The following TP53BP1 variants were observed in gnomAD, a reference collection of about 807,000 sequenced individuals.
TP53BP1 encodes the protein tumor protein p53 binding protein 1.
In TP53BP1, 61 loss-of-function variants were observed where a neutral mutation model predicts 200.8. The ratio of observed to expected loss-of-function variants is 0.30; its 90% CI spans 0.25 to 0.38. The LOEUF (loss-of-function observed/expected upper bound fraction) is 0.38, where lower values mean the gene tolerates loss of function less well. Ranked by LOEUF, TP53BP1 falls within the 10% of genes least tolerant of loss-of-function variation. The pLI is 1.00. For missense variants in TP53BP1, 2,144 were observed against 2,371.9 expected (o/e 0.90, Z 2.00); for synonymous variants, 822 against 844.3 (o/e 0.97, Z 0.46).
chr15:43,407,392 A>C lies in TP53BP1; in HGVS notation c.5925T>G (p.Val1975=), dbSNP rs750843540. 15 of 1,614,016 alleles carry C rather than the reference A, an allele frequency of 9.3e-6. No individual in the cohort carries two copies. The highest frequency in any genetic ancestry group is 1.1e-5 in the Non-Finnish European group (13 of 1,179,970). ...GTAAGACCAAGTATCTTTAGTGAGA[A>C]ACATAATCGTGTTTATATTTTGGAT... ...KQHPKYKHDY[V]SH is the part of the protein sequence containing the mutation. Residue 1975 remains valine, a synonymous_variant, in exon 28 of 28, where the codon GTT becomes GTG. Transcript: ENST00000382044.
chr15:43,508,975 T>C (rs1338284292), intron 1 of TP53BP1, among the ~76,000 whole-genome samples: 1 of 152,122 alleles, frequency 6.6e-6, no homozygotes, highest in Non-Finnish European at 1.5e-5. Flanking sequence ...TTTGTGAGAC[T>C]TGATGAAAGC....
intron 1 of TP53BP1, among the ~76,000 whole-genome samples, chr15:43,501,423 A>AG (rs2079208919): frequency 6.6e-6 from 1 of 152,160 alleles, no homozygotes; most frequent in Non-Finnish European, 1.5e-5. Context: ...TATGTTGCTC[A>AG]GGTGGGTCTT....
At position 43,406,606 on chromosome 15, in the gene TP53BP1, A is replaced by T. The variant is rs1428452602; in HGVS notation, c.*777T>A. ...TACTCTTTGACCCTTTACAGAAAAA[A>T]ACCTTGTTGACCCCTGCTTTAGAGA... On this transcript the variant is annotated 3_prime_UTR_variant, in exon 28 of 28. Transcript: ENST00000382044. 2.2e-6 allele frequency: 1 copy of T among 455,924 alleles called. No homozygotes were observed. The highest frequency in any genetic ancestry group is 2.0e-5 in the African/African-American group (1 of 50,072). The allele number at this position is 455,924 out of a possible 1,614,324, so 28.2% of individuals were successfully genotyped here.
In TP53BP1 at chr15:43,420,289, C is replaced by G. The variant is rs568196770; in HGVS notation, c.4681+16G>C. ...AGGCACAAAAAAATCTCTACAAACT[C>G]TGCTTCTTTCATTACCTGCACTGAA... On this transcript the variant is annotated intron_variant, in intron 21 of 27. Transcript: ENST00000382044. The G allele has an allele frequency of 3.1e-6, 5 of 1,607,290 alleles. No individual in the cohort carries two copies. The African/African-American group carries it at 5.3e-5, about 17-fold the overall frequency.
At chr15:43,470,177 G>C (rs1173683921) in intron 10 of TP53BP1, 111 bp from the exon 11 acceptor site, 6 of 911,190 alleles carry the variant, frequency 6.6e-6, no homozygotes, top group Non-Finnish European at 6.7e-6. Context: ...TAAAAAAATA[G>C]TGACGTAATT....
At chr15:43,483,523 G>A (rs1359785813) in intron 4 of TP53BP1, among the ~76,000 whole-genome samples, 7 of 152,116 alleles carry the variant, frequency 4.6e-5, no homozygotes, top group Admixed American at 4.6e-4. Context: ...TGACATCTTT[G>A]CTTCCTTGCA....
intron 1 of TP53BP1, among the ~76,000 whole-genome samples, chr15:43,505,962 T>A (rs2079233710): frequency 1.3e-5 from 2 of 152,234 alleles, no homozygotes; most frequent in South Asian, 4.1e-4. Context: ...GGAAGGAATC[T>A]GAGCTGTATG....
chr15:43,408,203 C>G, intron 26 of TP53BP1, 115 bp from the exon 27 acceptor site: 2 of 1,073,208 alleles, frequency 1.9e-6, no homozygotes, highest in South Asian at 1.6e-5. Context: ...CCCCATCAGA[C>G]ATAGTGTCTC....
intron 4 of TP53BP1, among the ~76,000 whole-genome samples, chr15:43,481,704 A>T (rs1423249934): frequency 6.6e-6 from 1 of 150,942 alleles, no homozygotes; most frequent in Admixed American, 6.6e-5. Context: ...AGTCCCATCT[A>T]CTCAGGAGGC....
upstream of TP53BP1, among the ~76,000 whole-genome samples, chr15:43,494,005 G>C (rs529583138): frequency 6.6e-6 from 1 of 152,234 alleles, no homozygotes; most frequent in South Asian, 2.1e-4. Flanking sequence ...ATGGTGCCAG[G>C]GTCTTAAAGA....
chr15:43,407,674 C>G, intron 27 of TP53BP1, 104 bp from the exon 28 acceptor site: 1 of 1,143,264 alleles, frequency 8.7e-7, no homozygotes, highest in South Asian at 1.6e-5. Context: ...CTGCACAAAC[C>G]AAAGCCCTAT....
intron 12 of TP53BP1, among the ~76,000 whole-genome samples, chr15:43,448,881 C>T (rs2046102619): frequency 6.6e-6 from 1 of 152,198 alleles, no homozygotes; most frequent in Non-Finnish European, 1.5e-5. Flanking sequence ...AATCCCAACA[C>T]TTTGGGAGAC....
chr15:43,476,877 T>A (rs2078890651), intron 8 of TP53BP1, among the ~76,000 whole-genome samples: 1 of 152,252 alleles, frequency 6.6e-6, no homozygotes, highest in Non-Finnish European at 1.5e-5. Context: ...TCCTTTCCGC[T>A]AGATTTTAAA....
At chr15:43,469,709 G>T in intron 11 of TP53BP1, 149 bp downstream of exon 11, 1 of 696,198 alleles carries the variant, frequency 1.4e-6, no homozygotes, top group Non-Finnish European at 2.3e-6. Flanking sequence ...ACTGCTTTGT[G>T]ACGACAGCTT....
upstream of TP53BP1, chr15:43,497,460 A>C: frequency 1.0e-6 from 1 of 985,292 alleles, no homozygotes; most frequent in Non-Finnish European, 1.2e-6. Flanking sequence ...CAAAATTCTC[A>C]TCCTGTGACT....
In TP53BP1 at chr15:43,432,335, A is replaced by T; in HGVS notation, c.3534T>A (p.Thr1178=). The change falls in exon 17 of 28, where the codon ACT becomes ACA. Residue 1178 remains threonine, a synonymous_variant. Transcript: ENST00000382044. The part of the protein sequence containing the change: ...VPETVSAATQ[T]IKNVCEQGTS... ...TCCCCTGCTCACACACATTCTTTAT[A>T]GTCTGGGTTGCTGCTGAAACAGTTT... 6.2e-7 allele frequency: 1 copy of T among 1,614,172 alleles called. No homozygotes were observed. Among genetic ancestry groups the T allele is most frequent in the Non-Finnish European group, 8.5e-7 (1 of 1,180,016 alleles).
chr15:43,433,580 T>C (rs2045720255), intron 16 of TP53BP1, among the ~76,000 whole-genome samples: 1 of 152,246 alleles, frequency 6.6e-6, no homozygotes, highest in Non-Finnish European at 1.5e-5. Context: ...GAAGACTGAA[T>C]GTTCTCTGAA....
At chr15:43,504,968 C>T (rs965825428) in intron 1 of TP53BP1, among the ~76,000 whole-genome samples, 4 of 151,994 alleles carry the variant, frequency 2.6e-5, no homozygotes, top group East Asian at 1.9e-4. Context: ...TGCAGTGAGC[C>T]GAGATCGTGC....
chr15:43,408,725 T>C lies in TP53BP1; in HGVS notation c.5600+172A>G, dbSNP rs147169243. 1.2e-3 allele frequency: 748 copies of C among 639,524 alleles called. 4 individuals are homozygous for C. The African/African-American group carries it at 0.012, about 10-fold the overall frequency. The allele number at this position is 639,524 out of a possible 1,614,324, so 39.6% of individuals were successfully genotyped here. On this transcript the variant is annotated intron_variant, in intron 26 of 27. Coordinates refer to ENST00000382044, the MANE Select transcript of TP53BP1 (RefSeq NM_001141980.3). ...ATTTGCAAAAGGTTCCTAGCCAATG[T>C]AACCTAGGGAAATAAACTAGATAAA...
Sources: allele counts gnomAD v4.1 joint callset (sites outside exome capture counted in the v4.1 genomes callset), GRCh38; gene constraint gnomAD v4.1.1; transcripts MANE v1.5; gene names NCBI Gene and HGNC (gene_info 2026-07-23, HGNC 2026-07-21).